The following CHD5 variants were observed in gnomAD, a reference collection of about 807,000 sequenced individuals.
CHD5 encodes chromodomain helicase DNA binding protein 5, also known as ATP-dependent chromatin remodeler CHD5.
CHD5 carries 69 observed loss-of-function variants against 230.3 expected under a neutral mutation model. The ratio of observed to expected loss-of-function variants is 0.30; its 90% confidence interval spans 0.25 to 0.37. The LOEUF (loss-of-function observed/expected upper bound fraction) is 0.37. Among genes scored for constraint, CHD5 ranks in the 10% least tolerant of loss-of-function variants. CHD5 has a pLI of 1.00. For synonymous variants in CHD5, 1,064 were observed against 1,065.9 expected (o/e 1.00, Z 0.03); for missense variants, 1,827 against 2,622.8 (o/e 0.70, Z 6.63).
chr1:6,161,498 G>A (rs953404638), intron 2 of CHD5, among the ~76,000 whole-genome samples: 17 of 152,188 alleles, frequency 1.1e-4, no homozygotes, highest in African/African-American at 1.9e-4. Flanking sequence ...AGTCAGCGGC[G>A]CTGCCAGCTG....
intron 1 of CHD5, among the ~76,000 whole-genome samples, chr1:6,176,809 A>C (rs1048736928): frequency 5.3e-5 from 8 of 152,226 alleles, no homozygotes; most frequent in African/African-American, 1.9e-4. Context: ...GGCTTGTCCA[A>C]GACCACTCAG....
intron 2 of CHD5, among the ~76,000 whole-genome samples, chr1:6,161,057 G>A (rs1242178755): frequency 6.6e-6 from 1 of 152,134 alleles, no homozygotes; most frequent in East Asian, 1.9e-4. Context: ...GATTAAGACA[G>A]AACCGGAGAG....
chr1:6,140,264 G>T (rs1666807405), intron 15 of CHD5, among the ~76,000 whole-genome samples: 1 of 152,146 alleles, frequency 6.6e-6, no homozygotes, highest in Non-Finnish European at 1.5e-5. Flanking sequence ...GCTGAGTGTG[G>T]TAGCACGCGC....
intron 38 of CHD5, among the ~76,000 whole-genome samples, chr1:6,107,072 T>TGGAGG (rs1557533862): frequency 1.6e-5 from 1 of 64,004 alleles, no homozygotes. Context: ...GATGGAAGGA[T>TGGAGG]GATGGAGGGG....
chr1:6,156,790 G>T (rs1018150227), intron 3 of CHD5, among the ~76,000 whole-genome samples: 1 of 152,086 alleles, frequency 6.6e-6, no homozygotes, highest in Non-Finnish European at 1.5e-5. Context: ...GCCTGGGGTG[G>T]GGGGACATCC....
At chr1:6,135,921 A>C (rs1234394553) in intron 17 of CHD5, among the ~76,000 whole-genome samples, 2 of 152,166 alleles carry the variant, frequency 1.3e-5, no homozygotes, top group Non-Finnish European at 2.9e-5. Flanking sequence ...GAGGCAGGAG[A>C]ATCACTTGAA....
At chr1:6,107,937 A>C (rs1475347498) in intron 38 of CHD5, among the ~76,000 whole-genome samples, 83 of 109,268 alleles carry the variant, frequency 7.6e-4, no homozygotes, top group African/African-American at 2.4e-3. Context: ...GATGGAAGGA[A>C]GGTGGAGGGA....
chr1:6,109,325 G>A (rs1038249552), intron 38 of CHD5, among the ~76,000 whole-genome samples: 2 of 152,178 alleles, frequency 1.3e-5, no homozygotes, highest in African/African-American at 2.4e-5. Context: ...CGGGAGCCCC[G>A]AGGGCAGAAG....
At chr1:6,168,948 G>C (rs1452771665) in intron 1 of CHD5, among the ~76,000 whole-genome samples, 1 of 151,996 alleles carries the variant, frequency 6.6e-6, no homozygotes, top group Non-Finnish European at 1.5e-5. Context: ...AAACCCAGGA[G>C]GTGGAGGTTG....
chr1:6,127,653 ACTT>A (rs1666581258), intron 25 of CHD5, among the ~76,000 whole-genome samples: 1 of 152,132 alleles, frequency 6.6e-6, no homozygotes, highest in Admixed American at 6.5e-5. Flanking sequence ...ATCAGCTTGC[ACTT>A]CAGAGAGTGG....
Position 6,121,473 on chromosome 1 carries a change from AG to A in CHD5, c.4779+20del. 6.2e-7 allele frequency: 1 copy of A among 1,601,486 alleles called. No individual in the cohort carries two copies. Among genetic ancestry groups the A allele is most frequent in the South Asian group, 1.1e-5 (1 of 89,426 alleles). The stretch of plus-strand genomic sequence containing the variant: ...TCCACCCCACACACACCACAGGCCC[AG>A]ACGCCAGCAAGTTCCACACCTGGAC... On this transcript the variant is annotated intron_variant, in intron 32 of 41. Coordinates refer to ENST00000262450, the MANE Select transcript of CHD5 (RefSeq NM_015557.3). This position sits in a 1 kb window ranked among gnomAD's most constrained non-coding sequence, Gnocchi z 4.5.
intron 17 of CHD5, among the ~76,000 whole-genome samples, chr1:6,136,088 C>A (rs543576850): frequency 2.6e-5 from 4 of 152,058 alleles, no homozygotes; most frequent in African/African-American, 4.8e-5. Context: ...CTGAACCCCC[C>A]ATTCTGAGCA....
At position 6,130,144 on chromosome 1, in the gene CHD5, C is replaced by G. The variant is rs1666631914; in HGVS notation, c.3387+60G>C. Reference sequence around the variant, plus strand: ...GCAAGAAGGGCATGAAGGACAGAACCTGCCTGAGGCCCGGGATGAGAGGCC... The same window carrying G: ...GCAAGAAGGGCATGAAGGACAGAACGTGCCTGAGGCCCGGGATGAGAGGCC... On this transcript the variant is annotated intron_variant, in intron 22 of 41. Transcript: ENST00000262450. This position sits in a 1 kb window ranked among gnomAD's most constrained non-coding sequence, Gnocchi z 4.9. The G allele has an allele frequency of 6.3e-7, 1 of 1,599,686 alleles. No individual in the cohort carries two copies. The highest frequency in any genetic ancestry group is 8.5e-7 in the Non-Finnish European group (1 of 1,169,646).
chr1:6,140,604 G>A (rs916624267), intron 15 of CHD5, among the ~76,000 whole-genome samples: 4 of 152,206 alleles, frequency 2.6e-5, no homozygotes, highest in African/African-American at 7.2e-5. Context: ...GTGAGGCCAC[G>A]TGACTTGCCA....
chr1:6,129,062 C>T lies in CHD5; in HGVS notation c.3395G>A (p.Ser1132Asn), dbSNP rs760543451. The change falls in exon 23 of 42, where the codon AGC becomes AAC. Residue 1132 changes from serine (S) to asparagine (N), a missense_variant. This residue lies in a region of CHD5 where 81 missense variants were observed against 245.4 expected (regional missense o/e 0.33). Coordinates refer to ENST00000262450, the MANE Select transcript of CHD5 (RefSeq NM_015557.3). The surrounding 1 kb of genome is among the most constrained non-coding windows in gnomAD (Gnocchi z 6.8). ...GTTCTGGCCGATGCGGTGGGCGCGGCTGAAGGCCTGGGGAGACCTGCACCT... is the reference window on the plus strand; with the variant it reads ...GTTCTGGCCGATGCGGTGGGCGCGGTTGAAGGCCTGGGGAGACCTGCACCT... ...WNPHNDIQAF[S>N]RAHRIGQNKK... 6 of 1,600,952 alleles carry T rather than the reference C, an allele frequency of 3.7e-6. No homozygotes were observed. The highest frequency in any genetic ancestry group is 4.3e-6 in the Non-Finnish European group (5 of 1,174,248).
Position 6,128,011 on chromosome 1 carries a change from G to C in CHD5, c.3903+35C>G. On this transcript the variant is annotated intron_variant, in intron 25 of 41. Coordinates refer to ENST00000262450, the MANE Select transcript of CHD5 (RefSeq NM_015557.3). This position sits in a 1 kb window ranked among gnomAD's most constrained non-coding sequence, Gnocchi z 7.8. ...GGGGGCGGGGCTGCGGATGGAGGGC[G>C]GGGCTGCGGATGGAGGGCGGGCCGG... The C allele has an allele frequency of 6.5e-7, 1 of 1,538,874 alleles. No individual in the cohort carries two copies. The highest frequency in any genetic ancestry group is 1.2e-5 in the South Asian group (1 of 82,954).
intron 1 of CHD5, among the ~76,000 whole-genome samples, chr1:6,169,689 G>A (rs1667306576): frequency 1.3e-5 from 2 of 152,198 alleles, no homozygotes; most frequent in South Asian, 2.1e-4. Context: ...GCCCGTGGGG[G>A]CAAAGGAGGC....
rs1298376976 is a variant in CHD5, at chr1:6,155,501, T to A, written c.506+98A>T. Reference sequence around the variant, plus strand: ...CAGTCGGTCTGACAGAGCCCACCCCTACCCCAGGTGCCGGGGCTTCACTCC... The same window carrying A: ...CAGTCGGTCTGACAGAGCCCACCCCAACCCCAGGTGCCGGGGCTTCACTCC... On this transcript the variant is annotated intron_variant, in intron 4 of 41. Transcript: ENST00000262450. This position sits in a 1 kb window ranked among gnomAD's most constrained non-coding sequence, Gnocchi z 4.0. 4.8e-6 allele frequency: 5 copies of A among 1,049,714 alleles called. No homozygotes were observed. The African/African-American group carries it at 6.3e-5, about 13-fold the overall frequency. 65.0% of individuals were successfully genotyped at this position (1,049,714 alleles called of 1,614,324 possible).
Position 6,128,001 on chromosome 1 carries a change from G to A in CHD5, c.3903+45C>T. 6.8e-7 allele frequency: 1 copy of A among 1,469,068 alleles called. No homozygotes were observed. The highest frequency in any genetic ancestry group is 9.2e-7 in the Non-Finnish European group (1 of 1,091,608). 91.0% of individuals were successfully genotyped at this position (1,469,068 alleles called of 1,614,324 possible). A position where few individuals can be genotyped will look rare whatever the true frequency, so the allele number is the denominator to read the frequency against. On this transcript the variant is annotated intron_variant, in intron 25 of 41. Transcript: ENST00000262450. The surrounding 1 kb of genome is among the most constrained non-coding windows in gnomAD (Gnocchi z 7.8). ...GGACACAGTGGGGGGCGGGGCTGCG[G>A]ATGGAGGGCGGGGCTGCGGATGGAG...
Sources: gnomAD v4.1 joint callset for allele counts (sites outside exome capture counted in the v4.1 genomes callset) on GRCh38, gnomAD v4.1.1 for gene constraint, gnomAD v4.1.1 regional missense constraint, Gnocchi (gnomAD v3.1) non-coding constraint, MANE v1.5 for transcripts, NCBI Gene and HGNC (gene_info 2026-07-23, HGNC 2026-07-21) for gene names.